PMP2: variants seen among roughly 807,000 people sequenced by gnomAD.
PMP2 encodes the protein peripheral myelin protein 2.
A neutral mutation model predicts 15.9 loss-of-function variants in PMP2; 11 were observed. That is an observed-to-expected ratio of 0.69 (90% CI 0.44 to 1.14). The LOEUF (loss-of-function observed/expected upper bound fraction) is 1.14, where lower values mean the gene tolerates loss of function less well. PMP2 is among the 50% of genes most tolerant of loss of function. The pLI, the probability that PMP2 is intolerant of heterozygous loss-of-function variation, is 0.00. For synonymous variants in PMP2, 55 were observed against 54.1 expected, an observed-to-expected ratio of 1.02 and a Z score of -0.07; for missense variants, 151 against 154.0, an observed-to-expected ratio of 0.98 and a Z score of 0.10.
intron 3 of PMP2, 93 bp downstream of exon 3, chr8:81,444,407 C>A: frequency 1.3e-6 from 1 of 766,880 alleles, no homozygotes; most frequent in South Asian, 2.3e-5. Flanking sequence ...TTTATCCATT[C>A]ATATTCCAAA....
chr8:81,441,492 C>T lies in PMP2; in HGVS notation c.*1906G>A, dbSNP rs1203885516. On this transcript the variant is annotated 3_prime_UTR_variant, in exon 4 of 4. Coordinates refer to ENST00000256103, the MANE Select transcript of PMP2 (RefSeq NM_002677.5). ...ACATTTAACACTGGTCCATGACGTT[C>T]TATTGCAAAAGAGAAACCTTCTCAT... The T allele has an allele frequency of 2.6e-5, 4 of 151,968 alleles. No individual in the cohort carries two copies. Among genetic ancestry groups the T allele is most frequent in the Admixed American group, 2.6e-4 (4 of 15,264 alleles). The allele number at this position is 151,968 out of a possible 1,614,324, so 9.4% of individuals were successfully genotyped here. A position where few individuals can be genotyped will look rare whatever the true frequency, so the allele number is the denominator to read the frequency against.
At position 81,443,178 on chromosome 8, in the gene PMP2, G is replaced by T; in HGVS notation, c.*220C>A. On this transcript the variant is annotated 3_prime_UTR_variant, in exon 4 of 4. Coordinates refer to ENST00000256103, the MANE Select transcript of PMP2 (RefSeq NM_002677.5). ...TGACATCATCAACTGTTTGTGTCTG[G>T]CCAATATATATGCTTTGATGTAATA... 2.4e-6 allele frequency: 1 copy of T among 408,634 alleles called. No individual in the cohort carries two copies. The highest frequency in any genetic ancestry group is 4.3e-6 in the Non-Finnish European group (1 of 231,616). The allele number at this position is 408,634 out of a possible 1,614,324, so 25.3% of individuals were successfully genotyped here. A position where few individuals can be genotyped will look rare whatever the true frequency, so the allele number is the denominator to read the frequency against.
In PMP2 at chr8:81,441,034, G is replaced by C. The variant is rs1011010520; in HGVS notation, c.*2364C>G. The C allele has an allele frequency of 6.6e-6, 1 of 152,108 alleles. No homozygotes were observed. The highest frequency in any genetic ancestry group is 2.4e-5 in the African/African-American group (1 of 41,420). 9.4% of individuals were successfully genotyped at this position (152,108 alleles called of 1,614,324 possible). A position where few individuals can be genotyped will look rare whatever the true frequency, so the allele number is the denominator to read the frequency against. On this transcript the variant is annotated 3_prime_UTR_variant, in exon 4 of 4. Coordinates refer to ENST00000256103, the MANE Select transcript of PMP2 (RefSeq NM_002677.5). ...ATTACTTACTATGTTTAGTTGTCAG[G>C]TGTTTTTACTATCATTTAATCTGAA...
At position 81,443,318 on chromosome 8, in the gene PMP2, G is replaced by A; in HGVS notation, c.*80C>T. 2 of 889,712 alleles carry A rather than the reference G, an allele frequency of 2.2e-6. No individual in the cohort carries two copies. The highest frequency in any genetic ancestry group is 2.1e-5 in the Admixed American group (1 of 46,606). The allele number at this position is 889,712 out of a possible 1,614,324, so 55.1% of individuals were successfully genotyped here. A position where few individuals can be genotyped will look rare whatever the true frequency, so the allele number is the denominator to read the frequency against. On this transcript the variant is annotated 3_prime_UTR_variant, in exon 4 of 4. Transcript: ENST00000256103. ...ACAAAAGCAAAAACAAATATTTGCA[G>A]TGTATTCAGTTTTGTCAATGGAAGC... is the stretch of plus-strand genomic sequence containing the variant.
intron 3 of PMP2, among the ~76,000 whole-genome samples, chr8:81,444,218 C>T (rs1055154007): frequency 6.6e-6 from 1 of 152,100 alleles, no homozygotes; most frequent in Non-Finnish European, 1.5e-5. Flanking sequence ...CTTTGTGAGC[C>T]CAAACTAGTA....
At chr8:81,444,323 T>C (rs754622013) in intron 3 of PMP2, among the ~76,000 whole-genome samples, 177 bp downstream of exon 3, 1 of 152,208 alleles carries the variant, frequency 6.6e-6, no homozygotes, top group Non-Finnish European at 1.5e-5. Flanking sequence ...AAATCTTGGG[T>C]CAGTACTTGA....
chr8:81,443,342 G>T lies in PMP2; in HGVS notation c.*56C>A. On this transcript the variant is annotated 3_prime_UTR_variant, in exon 4 of 4. Coordinates refer to ENST00000256103, the MANE Select transcript of PMP2 (RefSeq NM_002677.5). The stretch of plus-strand genomic sequence containing the variant: ...AGTGTATTCAGTTTTGTCAATGGAA[G>T]CAATTGATTTCCATCATTAAATGAT... 1.7e-6 allele frequency: 2 copies of T among 1,187,684 alleles called. No homozygotes were observed. The highest frequency in any genetic ancestry group is 2.5e-6 in the Non-Finnish European group (2 of 811,746). The allele number at this position is 1,187,684 out of a possible 1,614,324, so 73.6% of individuals were successfully genotyped here.
rs926545759 is a variant in PMP2 at position 81,443,336 on chromosome 8, A to G, written c.*62T>C. 2.5e-5 allele frequency: 29 copies of G among 1,151,754 alleles called. No individual in the cohort carries two copies. The highest frequency in any genetic ancestry group is 4.7e-5 in the African/African-American group (3 of 63,984). The allele number at this position is 1,151,754 out of a possible 1,614,324, so 71.3% of individuals were successfully genotyped here. ...ATTTGCAGTGTATTCAGTTTTGTCA[A>G]TGGAAGCAATTGATTTCCATCATTA... is the stretch of plus-strand genomic sequence containing the variant. On this transcript the variant is annotated 3_prime_UTR_variant, in exon 4 of 4. Transcript: ENST00000256103.
chr8:81,446,910 G>T (rs1284729818), intron 1 of PMP2, among the ~76,000 whole-genome samples: 1 of 152,178 alleles, frequency 6.6e-6, no homozygotes, highest in Non-Finnish European at 1.5e-5. Flanking sequence ...TTTAAATTGA[G>T]ATTTTCTAGG....
Position 81,443,431 on chromosome 8 carries a change from G to T in PMP2, c.366C>A (p.Gly122=), listed in dbSNP as rs562725997. ...GKMVAECKMK[G]VVCTRIYEKV ...TCTCATAGATTCTGGTGCACACCAC[G>T]CCCTTCATTTTACATTCCTTAAAAA... The change falls in exon 4 of 4, where the codon GGC becomes GGA. Residue 122 remains glycine, a synonymous_variant. Coordinates refer to ENST00000256103, the MANE Select transcript of PMP2 (RefSeq NM_002677.5). 1.1e-5 allele frequency: 17 copies of T among 1,599,364 alleles called. No individual in the cohort carries two copies. Among genetic ancestry groups the T allele is most frequent in the African/African-American group, 1.3e-5 (1 of 74,476 alleles).
rs890093396 is a variant in PMP2 at position 81,441,215 on chromosome 8, T to C, written c.*2183A>G. 2.6e-5 allele frequency: 4 copies of C among 152,136 alleles called. No homozygotes were observed. The highest frequency in any genetic ancestry group is 4.4e-5 in the Non-Finnish European group (3 of 67,996). The allele number at this position is 152,136 out of a possible 1,614,324, so 9.4% of individuals were successfully genotyped here. A position where few individuals can be genotyped will look rare whatever the true frequency, so the allele number is the denominator to read the frequency against. The stretch of plus-strand genomic sequence containing the variant: ...GCACATGTTGAACATCCACCCTTTA[T>C]TGGTGAGGTTAATTTTGATAACCTA... On this transcript the variant is annotated 3_prime_UTR_variant, in exon 4 of 4. Coordinates refer to ENST00000256103, the MANE Select transcript of PMP2 (RefSeq NM_002677.5).
chr8:81,444,892 G>C lies in PMP2; in HGVS notation c.171C>G (p.Thr57=). 3 of 1,613,554 alleles carry C rather than the reference G, an allele frequency of 1.9e-6. No individual in the cohort carries two copies. In the African/African-American group the frequency reaches 4.0e-5, roughly 22 times the overall value. The stretch of plus-strand genomic sequence containing the variant: ...TGAAGGAGATTTCTGTATTTTTAAA[G>C]GTACTTTCAGTTCGTATAGTTATAA... ...GDIITIRTES[T]FKNTEISFKL... is the part of the protein sequence containing the mutation. The change falls in exon 2 of 4, where the codon ACC becomes ACG. Residue 57 remains threonine, a synonymous_variant. Coordinates refer to ENST00000256103, the MANE Select transcript of PMP2 (RefSeq NM_002677.5).
Position 81,444,525 on chromosome 8 carries a change from T to A in PMP2, c.323A>T (p.Lys108Met). 1 of 1,613,038 alleles carries A rather than the reference T, an allele frequency of 6.2e-7. No homozygotes were observed. Among genetic ancestry groups the A allele is most frequent in the Non-Finnish European group, 8.5e-7 (1 of 1,179,092 alleles). The change falls in exon 3 of 4, where the codon AAG (lysine) becomes ATG (methionine). Residue 108 changes from lysine (K) to methionine (M), a missense_variant. By Grantham distance (95) the Lys-to-Met change is moderately conservative. Coordinates refer to ENST00000256103, the MANE Select transcript of PMP2 (RefSeq NM_002677.5). The stretch of plus-strand genomic sequence containing the variant: ...CGCTACCATTTTCCCATTCACTAGC[T>A]TTCTCTTTATGGTTGTCTCTTTGCC... ...WDGKETTIKRKLVNGKMVAEC... is the reference protein window; with the variant it reads ...WDGKETTIKRMLVNGKMVAEC...
intron 3 of PMP2, among the ~76,000 whole-genome samples, chr8:81,444,177 T>C (rs1807403394): frequency 6.6e-6 from 1 of 152,210 alleles, no homozygotes; most frequent in Non-Finnish European, 1.5e-5. Context: ...GCAGAGAGTG[T>C]TTTGCTTTTA....
Position 81,447,335 on chromosome 8 carries a change from C to G in PMP2, c.52G>C (p.Asp18His). The change falls in exon 1 of 4, where the codon GAC becomes CAC. Residue 18 changes from aspartate (D) to histidine (H), a missense_variant. Coordinates refer to ENST00000256103, the MANE Select transcript of PMP2 (RefSeq NM_002677.5). ...TTACCCAGAGCTTTCATGTAATCGT[C>G]AAAGTTCTCACTAGAGACAAGTTTC... is the stretch of plus-strand genomic sequence containing the variant. The part of the protein sequence containing the change: ...TWKLVSSENF[D>H]DYMKALGVGL... 1 of 1,613,838 alleles carries G rather than the reference C, an allele frequency of 6.2e-7. No individual in the cohort carries two copies. Among genetic ancestry groups the G allele is most frequent in the Non-Finnish European group, 8.5e-7 (1 of 1,179,736 alleles).
chr8:81,444,580 C>T lies in PMP2; in HGVS notation c.268G>A (p.Gly90Arg), dbSNP rs1325948222. 3.1e-6 allele frequency: 5 copies of T among 1,613,498 alleles called. No homozygotes were observed. Among genetic ancestry groups the T allele is most frequent in the East Asian group, 2.2e-5 (1 of 44,882 alleles). Residue 90 changes from glycine to arginine, a missense_variant, in exon 3 of 4, where the codon GGA becomes AGA. Physicochemically the swap from Gly to Arg is moderately radical, Grantham distance 125. Transcript: ENST00000256103. ...KTKSIVTLQR[G>R]SLNQVQRWDG... The stretch of plus-strand genomic sequence containing the variant: ...CATCTCTGCACTTGATTCAGTGATC[C>T]TCTCTGCAGGGTTACGATGCTCTGC...
intron 1 of PMP2, among the ~76,000 whole-genome samples, chr8:81,446,779 T>C (rs1807455705): frequency 6.6e-6 from 1 of 152,210 alleles, no homozygotes; most frequent in Non-Finnish European, 1.5e-5. Flanking sequence ...CCCTAGACTA[T>C]GAACACAGTA....
At position 81,440,375 on chromosome 8, in the gene PMP2, A is replaced by G. The variant is rs1220867528; in HGVS notation, c.*3023T>C. The stretch of plus-strand genomic sequence containing the variant: ...TTTATTGAGGAATAAATTTTATAAC[A>G]AGTTGTATTATCACAAATCTCTAAA... On this transcript the variant is annotated 3_prime_UTR_variant, in exon 4 of 4. Transcript: ENST00000256103. 2.6e-5 allele frequency: 4 copies of G among 152,218 alleles called. No individual in the cohort carries two copies. Among genetic ancestry groups the G allele is most frequent in the African/African-American group, 9.6e-5 (4 of 41,464 alleles). 9.4% of individuals were successfully genotyped at this position (152,218 alleles called of 1,614,324 possible). A position where few individuals can be genotyped will look rare whatever the true frequency, so the allele number is the denominator to read the frequency against.
chr8:81,443,968 A>T (rs1807400396), intron 3 of PMP2, among the ~76,000 whole-genome samples: 1 of 136,252 alleles, frequency 7.3e-6, no homozygotes. Context: ...CCTTAACCCT[A>T]AAAAAAAAAA....
Sources: gnomAD v4.1 joint callset for allele counts (sites outside exome capture counted in the v4.1 genomes callset) on GRCh38, gnomAD v4.1.1 for gene constraint, MANE v1.5 for transcripts, NCBI Gene and HGNC (gene_info 2026-07-23, HGNC 2026-07-21) for gene names.